B4GALNT3: variants seen among roughly 807,000 people sequenced by gnomAD.
B4GALNT3 encodes the protein beta-1,4-N-acetyl-galactosaminyltransferase 3.
A neutral mutation model predicts 120.2 loss-of-function variants in B4GALNT3; 86 were observed. The observed-to-expected ratio is 0.72, with a 90% CI of 0.60 to 0.86. The LOEUF is 0.86. Among genes scored for constraint, B4GALNT3 ranks in the 40% least tolerant of loss-of-function variants. The pLI is 0.00. For missense variants in B4GALNT3, 1,167 were observed against 1,298.9 expected (o/e 0.90, Z 1.56); for synonymous variants, 518 against 510.4 (o/e 1.01, Z -0.20).
At chr12:509,823 A>T (rs1289722415) in intron 1 of B4GALNT3, among the ~76,000 whole-genome samples, 1 of 152,200 alleles carries the variant, frequency 6.6e-6, no homozygotes, top group Non-Finnish European at 1.5e-5. Context: ...ACCCAGTGCC[A>T]TGCTCAGCAA....
chr12:561,929 T>A lies in B4GALNT3; in HGVS notation c.*478T>A, dbSNP rs1353441629. 6.5e-6 allele frequency: 1 copy of A among 153,694 alleles called. No individual in the cohort carries two copies. Among genetic ancestry groups the A allele is most frequent in the East Asian group, 1.9e-4 (1 of 5,208 alleles). 9.5% of individuals were successfully genotyped at this position (153,694 alleles called of 1,614,324 possible). The stretch of plus-strand genomic sequence containing the variant: ...GGGGTGAGGTTGTGCACTGAGGGAC[T>A]GTCCCCACGTGCAGGCCTCCCGCCC... On this transcript the variant is annotated 3_prime_UTR_variant, in exon 20 of 20. Coordinates refer to ENST00000266383, the MANE Select transcript of B4GALNT3 (RefSeq NM_173593.4).
intron 1 of B4GALNT3, among the ~76,000 whole-genome samples, chr12:462,922 A>C (rs1181551093): frequency 6.6e-6 from 1 of 152,128 alleles, no homozygotes; most frequent in East Asian, 1.9e-4. Flanking sequence ...GGGAGGAGGC[A>C]TTAGGAAAGG....
chr12:477,269 A>G (rs1227310764), intron 1 of B4GALNT3, among the ~76,000 whole-genome samples: 1 of 152,076 alleles, frequency 6.6e-6, no homozygotes, highest in East Asian at 1.9e-4. Context: ...TGCCCTAACA[A>G]TCTGGTAGTA....
chr12:523,313 C>G (rs1565602004), intron 1 of B4GALNT3, among the ~76,000 whole-genome samples: 1 of 152,196 alleles, frequency 6.6e-6, no homozygotes, highest in Non-Finnish European at 1.5e-5. Context: ...ACTCCACATG[C>G]ATCAAATGCC....
At chr12:513,267 T>C (rs890488234) in intron 1 of B4GALNT3, among the ~76,000 whole-genome samples, 24 of 152,138 alleles carry the variant, frequency 1.6e-4, no homozygotes, top group African/African-American at 5.8e-4. Context: ...GGCAAATCTG[T>C]AGAGTAAAGT....
intron 18 of B4GALNT3, 94 bp downstream of exon 18, chr12:558,755 C>T (rs1190779683): frequency 5.2e-6 from 7 of 1,336,980 alleles, no homozygotes; most frequent in Non-Finnish European, 6.1e-6. Context: ...TGAGCGTCAG[C>T]ATCCTCCTCC....
At chr12:526,820 A>C (rs1291407054) in intron 1 of B4GALNT3, among the ~76,000 whole-genome samples, 1 of 152,204 alleles carries the variant, frequency 6.6e-6, no homozygotes, top group African/African-American at 2.4e-5. Flanking sequence ...GGGTCCAGAC[A>C]GACTCCATAT....
intron 1 of B4GALNT3, among the ~76,000 whole-genome samples, chr12:489,578 A>G (rs985540460): frequency 1.3e-5 from 2 of 152,212 alleles, no homozygotes; most frequent in Non-Finnish European, 2.9e-5. Context: ...AAAGACTCAT[A>G]TAGATTAAAC....
At chr12:481,522 CT>C (rs1340903723) in intron 1 of B4GALNT3, among the ~76,000 whole-genome samples, 1 of 152,230 alleles carries the variant, frequency 6.6e-6, no homozygotes, top group Non-Finnish European at 1.5e-5. Flanking sequence ...GAAAGTGGGA[CT>C]TTGCTCTGTG....
chr12:555,837 T>G (rs183712221), intron 14 of B4GALNT3, among the ~76,000 whole-genome samples: 1 of 152,146 alleles, frequency 6.6e-6, no homozygotes, highest in African/African-American at 2.4e-5. Flanking sequence ...CAGGCTGGAG[T>G]GCAGTGGCGC....
chr12:557,978 T>A, intron 16 of B4GALNT3, 38 bp from the exon 17 acceptor site: 2 of 1,605,552 alleles, frequency 1.2e-6, no homozygotes. Context: ...CCACCGCAGC[T>A]GAGTCCTGAT....
rs768908254 is a variant in B4GALNT3, at chr12:545,325, G to A, written c.539-44G>A. 100 of 1,574,212 alleles carry A rather than the reference G, an allele frequency of 6.4e-5. 2 individuals are homozygous for A. In the South Asian group the frequency reaches 9.4e-4, roughly 15 times the overall value. ...CACAAAAGCCTCCAGCTTTTATGCT[G>A]ATGCCCTCCTTGCCCTCATCTGGAA... On this transcript the variant is annotated intron_variant, in intron 5 of 19. Coordinates refer to ENST00000266383, the MANE Select transcript of B4GALNT3 (RefSeq NM_173593.4).
intron 1 of B4GALNT3, among the ~76,000 whole-genome samples, chr12:508,830 C>G (rs906106728): frequency 6.6e-6 from 1 of 152,238 alleles, no homozygotes; most frequent in African/African-American, 2.4e-5. Flanking sequence ...CTCTTTGTCT[C>G]ATGCTACAAA....
chr12:559,546 C>A, intron 19 of B4GALNT3, 125 bp downstream of exon 19: 1 of 1,389,576 alleles, frequency 7.2e-7, no homozygotes, highest in Non-Finnish European at 9.8e-7. Flanking sequence ...GTAAAGAGCA[C>A]TGGACTCGGA....
intron 11 of B4GALNT3, 59 bp from the exon 12 acceptor site, chr12:552,004 G>T: frequency 7.5e-7 from 1 of 1,340,186 alleles, no homozygotes; most frequent in Non-Finnish European, 1.1e-6. Context: ...ACCCTGGCTG[G>T]CTGATTTCTT....
In B4GALNT3 at chr12:499,103, G is replaced by A. The variant is rs549360884; in HGVS notation, c.170-36063G>A. Among the ~76,000 whole-genome samples the A allele has an allele frequency of 3.3e-5, 5 of 152,316 alleles. No individual in the cohort carries two copies. In the South Asian group the frequency reaches 1.0e-3, roughly 32 times the overall value. ...GTATAATTTGAGATGAGAGTTTTGG[G>A]GGAGGATAGAGGGGCATTTAGGGAT... is the stretch of plus-strand genomic sequence containing the variant. On this transcript the variant is annotated intron_variant, in intron 1 of 19. Coordinates refer to ENST00000266383, the MANE Select transcript of B4GALNT3 (RefSeq NM_173593.4).
intron 2 of B4GALNT3, 51 bp downstream of exon 2, chr12:535,320 G>C (rs369583933): frequency 1.3e-6 from 2 of 1,514,342 alleles, no homozygotes; most frequent in South Asian, 1.1e-5. Flanking sequence ...ACAAAGGTCC[G>C]CAGGTGCTCT....
chr12:531,111 G>C (rs186075424), intron 1 of B4GALNT3, among the ~76,000 whole-genome samples: 2 of 152,314 alleles, frequency 1.3e-5, no homozygotes, highest in Admixed American at 6.5e-5. Context: ...ATTCCCCCAG[G>C]GGGGCTAAGC....
chr12:517,059 A>T (rs1296012677), intron 1 of B4GALNT3, among the ~76,000 whole-genome samples: 1 of 152,120 alleles, frequency 6.6e-6, no homozygotes. Flanking sequence ...TGGGAGGAAA[A>T]ATCAAGAGTT....
Sources: gnomAD v4.1 joint callset for allele counts (sites outside exome capture counted in the v4.1 genomes callset) on GRCh38, gnomAD v4.1.1 for gene constraint, MANE v1.5 for transcripts, NCBI Gene and HGNC (gene_info 2026-07-23, HGNC 2026-07-21) for gene names.